TMEM161B: variants seen among roughly 807,000 people sequenced by gnomAD.
The protein encoded by TMEM161B is transmembrane protein 161B.
TMEM161B carries 34 observed loss-of-function variants against 61.8 expected under a neutral mutation model. The observed-to-expected ratio is 0.55, with a 90% CI of 0.42 to 0.73. The LOEUF (loss-of-function observed/expected upper bound fraction) is 0.73. Ranked by LOEUF, TMEM161B falls within the 30% of genes least tolerant of loss-of-function variation. The pLI is 0.00. For missense variants in TMEM161B, 456 were observed against 558.5 expected (o/e 0.82, Z 1.85); for synonymous variants, 167 against 192.8 (o/e 0.87, Z 1.11).
At chr5:88,226,095 C>T (rs1025545222) in intron 3 of TMEM161B, among the ~76,000 whole-genome samples, 1 of 152,162 alleles carries the variant, frequency 6.6e-6, no homozygotes, top group African/African-American at 2.4e-5. Context: ...GAAATAATTA[C>T]CTAAATTAGT....
chr5:88,234,094 G>A (rs568221062), intron 2 of TMEM161B, among the ~76,000 whole-genome samples: 1 of 152,226 alleles, frequency 6.6e-6, no homozygotes, highest in Non-Finnish European at 1.5e-5. Flanking sequence ...GAGAGGTAGG[G>A]CTGTGACTTC....
intron 8 of TMEM161B, among the ~76,000 whole-genome samples, chr5:88,204,866 C>A (rs1745155896): frequency 6.8e-6 from 1 of 146,860 alleles, no homozygotes; most frequent in Admixed American, 6.7e-5. Context: ...AAAAGACAGT[C>A]AAAATTAAAT....
chr5:88,206,961 T>C (rs1279909141), intron 6 of TMEM161B, 68 bp downstream of exon 6: 17 of 1,388,786 alleles, frequency 1.2e-5, no homozygotes, highest in Non-Finnish European at 1.6e-5. Context: ...AAAACTTAAA[T>C]ACTGAAGTCA....
At chr5:88,188,973 C>T (rs893991673), downstream of TMEM161B, among the ~76,000 whole-genome samples, 2 of 152,180 alleles carry the variant, frequency 1.3e-5, no homozygotes, top group African/African-American at 4.8e-5. Context: ...CTTCTCTCCT[C>T]ATTCCCCCCT....
chr5:88,206,064 C>G (rs1745407246), intron 7 of TMEM161B, 110 bp from the exon 8 acceptor site: 7 of 893,272 alleles, frequency 7.8e-6, no homozygotes, highest in African/African-American at 1.7e-5. Context: ...TAAAACAAAG[C>G]AAATTTCTAC....
rs749092769 is a variant in TMEM161B at position 88,207,171 on chromosome 5, T to C, written c.456A>G (p.Leu152=). The C allele has an allele frequency of 1.9e-5, 30 of 1,605,408 alleles. No individual in the cohort carries two copies. In the South Asian group the frequency reaches 2.3e-4, roughly 12 times the overall value. ...TAAAATAGTGTGTAGTTAATGAAAA[T>C]AGAACTTTGCTGCAGAAGGAAAAGT... ...LLVLSFAIKV[L]FSLTTHYFKV... The change falls in exon 6 of 12, where the codon CTA becomes CTG. Residue 152 remains leucine, a synonymous_variant. Transcript: ENST00000296595.
chr5:88,220,785 A>C, intron 4 of TMEM161B, 66 bp from the exon 5 acceptor site: 1 of 1,479,870 alleles, frequency 6.8e-7, no homozygotes, highest in Non-Finnish European at 8.9e-7. Context: ...ACATTTTCAT[A>C]AATAACTTAT....
In TMEM161B at chr5:88,220,712, ATGCAATGCTGGAAAG is replaced by A; in HGVS notation, c.290-8_296del. On this transcript the variant is annotated splice_acceptor_variant and splice_polypyrimidine_tract_variant and coding_sequence_variant and intron_variant, in exon 5 of 12. Coordinates refer to ENST00000296595, the MANE Select transcript of TMEM161B (RefSeq NM_153354.5). LOFTEE classifies it high-confidence loss of function. ...CCAGCCACTGGTATTCTGGAAAGTA[ATGCAATGCTGGAAAG>A]AAAAAAAAAAAAAAAAAAAAAAAAG... 2.3e-6 allele frequency: 2 copies of A among 864,582 alleles called. No homozygotes were observed. The allele number at this position is 864,582 out of a possible 1,614,324, so 53.6% of individuals were successfully genotyped here.
intron 5 of TMEM161B, among the ~76,000 whole-genome samples, chr5:88,217,838 A>C (rs1442727295): frequency 1.3e-5 from 2 of 152,026 alleles, no homozygotes; most frequent in African/African-American, 4.8e-5. Flanking sequence ...GAGCTCTCTA[A>C]GAAAAGCCTG....
downstream of TMEM161B, among the ~76,000 whole-genome samples, chr5:88,192,020 A>G (rs1266486363): frequency 2.0e-4 from 16 of 78,906 alleles, no homozygotes; most frequent in South Asian, 1.5e-3. Context: ...ATATATATAT[A>G]TATATATGTA....
downstream of TMEM161B, among the ~76,000 whole-genome samples, chr5:88,192,552 A>G (rs1245946122): frequency 6.6e-6 from 1 of 152,208 alleles, no homozygotes; most frequent in Non-Finnish European, 1.5e-5. Flanking sequence ...GCACATAACG[A>G]GCTCAGCTCT....
chr5:88,259,839 T>A (rs1755473669), intron 1 of TMEM161B, among the ~76,000 whole-genome samples: 1 of 152,248 alleles, frequency 6.6e-6, no homozygotes, highest in Admixed American at 6.5e-5. Flanking sequence ...AAAATGTTTT[T>A]GAATTTCAAA....
chr5:88,202,184 G>C (rs1221057395), intron 9 of TMEM161B: 1 of 451,934 alleles, frequency 2.2e-6, no homozygotes, highest in Non-Finnish European at 4.4e-6. Context: ...AGATTTTAGT[G>C]AGGAGGAGAG....
chr5:88,213,885 T>C (rs1011901405), intron 5 of TMEM161B, among the ~76,000 whole-genome samples: 2 of 152,192 alleles, frequency 1.3e-5, no homozygotes, highest in Admixed American at 6.5e-5. Flanking sequence ...TTTCATTCCT[T>C]TTCTCACTAG....
downstream of TMEM161B, among the ~76,000 whole-genome samples, chr5:88,188,321 G>T (rs1748491009): frequency 6.6e-6 from 1 of 150,430 alleles, no homozygotes. Context: ...TCACCATGTT[G>T]GCCAGGCTGA....
rs1428372260 is a variant in TMEM161B at position 88,265,341 on chromosome 5, T to G, written c.3+3380A>C. On this transcript the variant is annotated intron_variant, in intron 1 of 11. Coordinates refer to ENST00000296595, the MANE Select transcript of TMEM161B (RefSeq NM_153354.5). ...ATTTTTTCACACATTGTGGAGGCAG[T>G]GTGGAGGAAGGATGGTTTCGGGATG... Among the ~76,000 whole-genome samples the G allele has an allele frequency of 2.0e-5, 3 of 152,262 alleles. No homozygotes were observed. The East Asian group carries it at 5.8e-4, about 29-fold the overall frequency.
intron 4 of TMEM161B, among the ~76,000 whole-genome samples, chr5:88,221,078 ATACCTTAACTTCAGAAAAC>A (rs1048381320): frequency 7.2e-5 from 11 of 152,200 alleles, no homozygotes; most frequent in Admixed American, 3.9e-4. Flanking sequence ...TCTAGCTATG[ATACCTTAACTTCAGAAAAC>A]AACTTAGTCT....
intron 5 of TMEM161B, among the ~76,000 whole-genome samples, chr5:88,211,083 T>C (rs1264913207): frequency 6.6e-6 from 1 of 152,034 alleles, no homozygotes; most frequent in Non-Finnish European, 1.5e-5. Context: ...CTGCAAGCCA[T>C]AGTTAGGCAA....
intron 11 of TMEM161B, among the ~76,000 whole-genome samples, chr5:88,196,989 C>T (rs1198972701): frequency 6.6e-6 from 1 of 152,120 alleles, no homozygotes; most frequent in Non-Finnish European, 1.5e-5. Context: ...TACAATTGAA[C>T]TACCTATCCC....
Sources: allele counts gnomAD v4.1 joint callset (sites outside exome capture counted in the v4.1 genomes callset), GRCh38; gene constraint gnomAD v4.1.1; transcripts MANE v1.5; gene names NCBI Gene and HGNC (gene_info 2026-07-23, HGNC 2026-07-21).